The following VTI1A variants were observed in gnomAD, a reference collection of about 807,000 sequenced individuals.
VTI1A encodes vesicle transport through interaction with t-SNAREs homolog 1A.
In VTI1A, 22 loss-of-function variants were observed where a neutral mutation model predicts 34.9. The observed-to-expected ratio is 0.63, with a 90% CI of 0.45 to 0.90. The LOEUF (loss-of-function observed/expected upper bound fraction) is 0.90, where lower values mean the gene tolerates loss of function less well. Among genes scored for constraint, VTI1A ranks in the 40% least tolerant of loss-of-function variants. The pLI, the probability that VTI1A is intolerant of heterozygous loss-of-function variation, is 0.00. For synonymous variants in VTI1A, 87 were observed against 97.3 expected (o/e 0.89, Z 0.62); for missense variants, 268 against 275.6 (o/e 0.97, Z 0.20).
chr10:112,578,956 T>A lies in VTI1A; in HGVS notation c.427+40626T>A, dbSNP rs914817339. ...AACTTGCTTGCTATTCCTGGTGACA[T>A]CAGCAGAAAAGTGTAAGTTTCTATC... On this transcript the variant is annotated intron_variant, in intron 5 of 7. Coordinates refer to ENST00000393077, the MANE Select transcript of VTI1A (RefSeq NM_145206.4). Among the ~76,000 whole-genome samples the A allele has an allele frequency of 9.0e-4, 137 of 152,350 alleles. 1 individual carries two copies. The highest frequency in any genetic ancestry group is 4.1e-4 in the Non-Finnish European group (28 of 68,040).
intron 5 of VTI1A, among the ~76,000 whole-genome samples, chr10:112,546,615 T>C (rs1176720105): frequency 6.6e-6 from 1 of 152,146 alleles, no homozygotes; most frequent in African/African-American, 2.4e-5. Context: ...GGACTAATTA[T>C]ACACCTTTAT....
rs1309496704 is a variant in VTI1A at position 112,595,432 on chromosome 10, C to T, written c.427+57102C>T. 2.6e-5 allele frequency among the ~76,000 whole-genome samples: 4 copies of T among 151,956 alleles called. No individual in the cohort carries two copies. The East Asian group carries it at 7.7e-4, about 29-fold the overall frequency. On this transcript the variant is annotated intron_variant, in intron 5 of 7. Transcript: ENST00000393077. ...ACTCATCTGACAAAGGGCTAATATC[C>T]AGAATCTACAATGCACTCAAACAAA...
chr10:112,695,058 T>A (rs186292665), intron 7 of VTI1A, among the ~76,000 whole-genome samples: 207 of 152,328 alleles, frequency 1.4e-3, no homozygotes, highest in Non-Finnish European at 1.5e-3. Context: ...TTGGATGCCC[T>A]TTAAATTATG....
chr10:112,447,603 CG>C, intron 1 of VTI1A, 136 bp downstream of exon 1: 1 of 1,024,370 alleles, frequency 9.8e-7, no homozygotes, highest in East Asian at 2.6e-5. Flanking sequence ...AGGAGGGATA[CG>C]GCTTGGCTTG....
At chr10:112,472,616 G>C (rs1012507383) in intron 3 of VTI1A, among the ~76,000 whole-genome samples, 3 of 151,688 alleles carry the variant, frequency 2.0e-5, no homozygotes, top group Non-Finnish European at 4.4e-5. Context: ...TTGTTGAAAG[G>C]TCAAGAACGT....
At chr10:112,625,576 GT>G (rs1243047044) in intron 5 of VTI1A, among the ~76,000 whole-genome samples, 2 of 139,530 alleles carry the variant, frequency 1.4e-5, no homozygotes, top group Non-Finnish European at 3.0e-5. Flanking sequence ...GGAGGCAGAG[GT>G]TGCAGTGAGC....
chr10:112,600,200 A>T (rs891319612), intron 5 of VTI1A, among the ~76,000 whole-genome samples: 16 of 152,212 alleles, frequency 1.1e-4, no homozygotes, highest in Non-Finnish European at 1.3e-4. Flanking sequence ...TCCCTCAAAG[A>T]TGTGTGACCA....
In VTI1A at chr10:112,767,873, A is replaced by C. The variant is rs2134017195; in HGVS notation, c.561-47417A>C. Among the ~76,000 whole-genome samples, 1 of 152,348 alleles carries C rather than the reference A, an allele frequency of 6.6e-6. No homozygotes were observed. The highest frequency in any genetic ancestry group is 1.9e-4 in the East Asian group (1 of 5,186). On this transcript the variant is annotated intron_variant, in intron 7 of 7. Transcript: ENST00000393077. The surrounding 1 kb of genome is among the most constrained non-coding windows in gnomAD (Gnocchi z 4.0). Reference sequence around the variant, plus strand: ...GGGCCCTTCACCTCTTCCTAGGACCAGTCTTGTCATCAGGCATCTTGGGGA... The same window carrying C: ...GGGCCCTTCACCTCTTCCTAGGACCCGTCTTGTCATCAGGCATCTTGGGGA...
chr10:112,773,858 G>A lies in VTI1A; in HGVS notation c.561-41432G>A, dbSNP rs186127417. ...ATCTGGGGTGGGCAGCAGAGAGCCAGTGGATGTGAAGATATTGGGAGGTGT... is the reference window on the plus strand; with the variant it reads ...ATCTGGGGTGGGCAGCAGAGAGCCAATGGATGTGAAGATATTGGGAGGTGT... On this transcript the variant is annotated intron_variant, in intron 7 of 7. Coordinates refer to ENST00000393077, the MANE Select transcript of VTI1A (RefSeq NM_145206.4). Among the ~76,000 whole-genome samples, 42 of 152,340 alleles carry A rather than the reference G, an allele frequency of 2.8e-4. No individual in the cohort carries two copies. In the East Asian group the frequency reaches 5.0e-3, roughly 18 times the overall value.
At chr10:112,834,052 G>A in the VTI1A span, among the ~76,000 whole-genome samples, 1 of 152,080 alleles carries the variant, frequency 6.6e-6, no homozygotes, top group Admixed American at 6.6e-5. Context: ...CCTGAACCTC[G>A]TTCCCTTCCC....
intron 3 of VTI1A, among the ~76,000 whole-genome samples, chr10:112,513,406 AATTT>A (rs1345719705): frequency 4.6e-5 from 7 of 152,002 alleles, no homozygotes; most frequent in South Asian, 2.1e-4. Flanking sequence ...AACTTTACTG[AATTT>A]ATTTATCAGT....
the VTI1A span, among the ~76,000 whole-genome samples, chr10:112,846,255 A>G: frequency 6.6e-6 from 1 of 152,194 alleles, no homozygotes; most frequent in Non-Finnish European, 1.5e-5. Flanking sequence ...CTTGAACTGC[A>G]TTTCCCCTAA....
intron 3 of VTI1A, among the ~76,000 whole-genome samples, chr10:112,496,958 G>A (rs796735423): frequency 6.6e-5 from 10 of 152,258 alleles, no homozygotes; most frequent in African/African-American, 2.2e-4. Context: ...TTGGCAATAG[G>A]GGGTAGAGGT....
chr10:112,771,224 G>A (rs531487694), intron 7 of VTI1A, among the ~76,000 whole-genome samples: 2 of 152,362 alleles, frequency 1.3e-5, no homozygotes, highest in African/African-American at 2.4e-5. Context: ...GATAAAAGTC[G>A]TATCTACCTC....
chr10:112,754,327 G>C (rs1406170241), intron 7 of VTI1A, among the ~76,000 whole-genome samples: 1 of 151,994 alleles, frequency 6.6e-6, no homozygotes, highest in Non-Finnish European at 1.5e-5. Context: ...TTTCGATTCA[G>C]ACTCCCTCTA....
intron 3 of VTI1A, among the ~76,000 whole-genome samples, chr10:112,465,555 G>A (rs977350756): frequency 1.3e-5 from 2 of 152,208 alleles, no homozygotes; most frequent in African/African-American, 2.4e-5. Context: ...TCTGTCACAT[G>A]CAACAACTTG....
intron 5 of VTI1A, among the ~76,000 whole-genome samples, chr10:112,653,833 G>C (rs755544630): frequency 1.1e-4 from 17 of 152,096 alleles, no homozygotes; most frequent in Non-Finnish European, 2.4e-4. Flanking sequence ...CTACGTGCTT[G>C]TTTCCCCCCC....
intron 5 of VTI1A, among the ~76,000 whole-genome samples, chr10:112,582,623 A>G (rs1274301209): frequency 6.6e-6 from 1 of 152,164 alleles, no homozygotes; most frequent in Non-Finnish European, 1.5e-5. Context: ...TGACTTTGGT[A>G]GAGAGGAAAC....
At chr10:112,493,528 A>T (rs1848909646) in intron 3 of VTI1A, among the ~76,000 whole-genome samples, 1 of 152,172 alleles carries the variant, frequency 6.6e-6, no homozygotes, top group Non-Finnish European at 1.5e-5. Flanking sequence ...AATGCTAAGA[A>T]TGGATTTCTT....
Sources: gnomAD v4.1 joint callset for allele counts (sites outside exome capture counted in the v4.1 genomes callset) on GRCh38, gnomAD v4.1.1 for gene constraint, Gnocchi (gnomAD v3.1) non-coding constraint, MANE v1.5 for transcripts, NCBI Gene and HGNC (gene_info 2026-07-23, HGNC 2026-07-21) for gene names.